SLC1A1: variants seen among roughly 807,000 people sequenced by gnomAD.
SLC1A1 encodes the protein solute carrier family 1 member 1, also known as excitatory amino acid transporter 3.
In SLC1A1, 43 loss-of-function variants were observed where a neutral mutation model predicts 53.3. The observed-to-expected ratio is 0.81, with a 90% confidence interval of 0.63 to 1.04. The LOEUF (loss-of-function observed/expected upper bound fraction) is 1.04. Ranked by LOEUF, SLC1A1 falls within the 50% of genes least tolerant of loss-of-function variation. The probability of loss-of-function intolerance (pLI) is 0.00; values close to 1 mark genes in which losing one functional copy is unlikely to be tolerated. For synonymous variants in SLC1A1, 307 were observed against 243.2 expected, an observed-to-expected ratio of 1.26 and a Z score of -2.44; for missense variants, 748 against 664.9, an observed-to-expected ratio of 1.12 and a Z score of -1.37.
intron 2 of SLC1A1, among the ~76,000 whole-genome samples, 194 bp downstream of exon 2, chr9:4,544,901 G>A (rs1817336977): frequency 6.6e-6 from 1 of 152,206 alleles, no homozygotes; most frequent in Non-Finnish European, 1.5e-5. Flanking sequence ...TCACAAGGTG[G>A]CAGGAAGGAG....
At chr9:4,530,826 AT>A (rs1240414455) in intron 1 of SLC1A1, among the ~76,000 whole-genome samples, 1 of 152,214 alleles carries the variant, frequency 6.6e-6, no homozygotes, top group Admixed American at 6.5e-5. Flanking sequence ...CTCTTTTTGA[AT>A]TAACATACTA....
At chr9:4,563,240 G>T (rs553538875) in intron 3 of SLC1A1, among the ~76,000 whole-genome samples, 1 of 152,050 alleles carries the variant, frequency 6.6e-6, no homozygotes, top group Non-Finnish European at 1.5e-5. Flanking sequence ...CTGCTTCAAT[G>T]AGCTGATAAG....
intron 10 of SLC1A1, among the ~76,000 whole-genome samples, chr9:4,580,202 G>C (rs752468948): frequency 6.6e-6 from 1 of 151,110 alleles, no homozygotes; most frequent in Non-Finnish European, 1.5e-5. Flanking sequence ...CTGCACTCTA[G>C]CCTAGGCAAC....
intron 1 of SLC1A1, among the ~76,000 whole-genome samples, chr9:4,538,782 G>C (rs1369602446): frequency 6.6e-6 from 1 of 152,220 alleles, no homozygotes; most frequent in African/African-American, 2.4e-5. Context: ...AGGGAGGCAG[G>C]AAGAGATGAG....
intron 2 of SLC1A1, among the ~76,000 whole-genome samples, chr9:4,545,161 T>A (rs1049577355): frequency 6.9e-6 from 1 of 144,550 alleles, no homozygotes; most frequent in Non-Finnish European, 1.5e-5. Context: ...TCTTTTCTAA[T>A]TACGGGAAAA....
chr9:4,543,491 T>C (rs1817190449), intron 1 of SLC1A1, among the ~76,000 whole-genome samples: 1 of 152,226 alleles, frequency 6.6e-6, no homozygotes, highest in African/African-American at 2.4e-5. Context: ...ATTAAAGTCA[T>C]CATTAAATTG....
At position 4,518,941 on chromosome 9, in the gene SLC1A1, T is replaced by C. The variant is rs548081518; in HGVS notation, c.92-25626T>C. 2.0e-5 allele frequency among the ~76,000 whole-genome samples: 3 copies of C among 152,314 alleles called. No individual in the cohort carries two copies. In the East Asian group the frequency reaches 5.8e-4, roughly 29 times the overall value. On this transcript the variant is annotated intron_variant, in intron 1 of 11. Coordinates refer to ENST00000262352, the MANE Select transcript of SLC1A1 (RefSeq NM_004170.6). ...TGTCCTTTATGCTCCATCCCAAAGC[T>C]AGAAAATAAATGATGAGTGGTTTGG...
intron 1 of SLC1A1, among the ~76,000 whole-genome samples, chr9:4,525,915 A>T (rs1455198385): frequency 6.6e-6 from 1 of 152,200 alleles, no homozygotes; most frequent in Non-Finnish European, 1.5e-5. Context: ...GATTTATAAG[A>T]TATTTAGAAC....
intron 1 of SLC1A1, among the ~76,000 whole-genome samples, chr9:4,498,162 C>A (rs527820339): frequency 6.6e-6 from 1 of 152,132 alleles, no homozygotes; most frequent in Non-Finnish European, 1.5e-5. Flanking sequence ...GCCAGAGGAA[C>A]TCTTCTGTAA....
chr9:4,536,652 T>A (rs1000446816), intron 1 of SLC1A1, among the ~76,000 whole-genome samples: 7 of 152,168 alleles, frequency 4.6e-5, no homozygotes, highest in African/African-American at 1.2e-4. Flanking sequence ...TCAGGGATCT[T>A]GAACTAGAAA....
chr9:4,573,226 C>G (rs1192946635), intron 7 of SLC1A1, among the ~76,000 whole-genome samples: 2 of 152,170 alleles, frequency 1.3e-5, no homozygotes, highest in African/African-American at 4.8e-5. Flanking sequence ...TCGCTTACCT[C>G]ATATTTAATT....
intron 1 of SLC1A1, among the ~76,000 whole-genome samples, chr9:4,532,468 G>T (rs559158234): frequency 6.6e-6 from 1 of 152,208 alleles, no homozygotes; most frequent in South Asian, 2.1e-4. Flanking sequence ...TATCAGTGAT[G>T]GAAGATGAAA....
chr9:4,564,387 A>G lies in SLC1A1; in HGVS notation c.369A>G (p.Lys123=), dbSNP rs1466451996. The G allele has an allele frequency of 6.2e-7, 1 of 1,613,830 alleles. No homozygotes were observed. Among genetic ancestry groups the G allele is most frequent in the Non-Finnish European group, 8.5e-7 (1 of 1,179,852 alleles). The change falls in exon 4 of 12, where the codon AAA becomes AAG. Residue 123 remains lysine (K), a synonymous_variant. Transcript: ENST00000262352. ...VVSIKPGVTQ[K]VGEIARTGST... ...GCATCAAGCCTGGTGTCACCCAGAA[A>G]GTGGGTGAAATTGCGAGGACAGGCA...
chr9:4,562,149 G>A (rs1819015955), intron 3 of SLC1A1, among the ~76,000 whole-genome samples: 1 of 144,722 alleles, frequency 6.9e-6, no homozygotes, highest in African/African-American at 2.6e-5. Context: ...TCGGCTCACT[G>A]CAACCTCTGC....
intron 1 of SLC1A1, among the ~76,000 whole-genome samples, chr9:4,533,945 G>C (rs377320047): frequency 6.6e-6 from 1 of 152,174 alleles, no homozygotes. Context: ...TGAACAACCT[G>C]CTCCTGAATG....
chr9:4,535,813 A>C (rs1816653185), intron 1 of SLC1A1, among the ~76,000 whole-genome samples: 1 of 152,298 alleles, frequency 6.6e-6, no homozygotes, highest in Non-Finnish European at 1.5e-5. Flanking sequence ...AAACTATACT[A>C]CAAGGCTACA....
chr9:4,541,801 G>A (rs1419352160), intron 1 of SLC1A1, among the ~76,000 whole-genome samples: 1 of 152,160 alleles, frequency 6.6e-6, no homozygotes. Context: ...AGGTGGGCCT[G>A]GCCTGCGTAC....
chr9:4,572,237 T>C lies in SLC1A1; in HGVS notation c.616T>C (p.Tyr206His). ...KTKEYKIVGM[Y>H]SDGINVLGLI... is the part of the protein sequence containing the mutation. The stretch of plus-strand genomic sequence containing the variant: ...AAAGGAATACAAAATTGTTGGCATG[T>C]ATTCAGATGGCATAAACGTCCTGGG... The change falls in exon 7 of 12, where the codon TAT becomes CAT. Residue 206 changes from tyrosine to histidine, a missense_variant. Physicochemically the swap from Tyr to His is moderately conservative, Grantham distance 83 (BLOSUM62 2). Coordinates refer to ENST00000262352, the MANE Select transcript of SLC1A1 (RefSeq NM_004170.6). 2 of 1,613,890 alleles carry C rather than the reference T, an allele frequency of 1.2e-6. No individual in the cohort carries two copies. The highest frequency in any genetic ancestry group is 2.2e-5 in the East Asian group (1 of 44,862).
Position 4,583,420 on chromosome 9 carries a change from G to A in SLC1A1, c.1328+248G>A, listed in dbSNP as rs1821288255. 6.6e-6 allele frequency among the ~76,000 whole-genome samples: 1 copy of A among 152,194 alleles called. No individual in the cohort carries two copies. The highest frequency in any genetic ancestry group is 2.4e-5 in the African/African-American group (1 of 41,436). On this transcript the variant is annotated intron_variant, in intron 11 of 11. Coordinates refer to ENST00000262352, the MANE Select transcript of SLC1A1 (RefSeq NM_004170.6). This position sits in a 1 kb window ranked among gnomAD's most constrained non-coding sequence, Gnocchi z 4.6. Reference sequence around the variant, plus strand: ...TATACCTGGTAACACTCAAGCTTAGGAGCTGGGTGTGGGACAGAGATAAAC... The same window carrying A: ...TATACCTGGTAACACTCAAGCTTAGAAGCTGGGTGTGGGACAGAGATAAAC...
Sources: allele counts gnomAD v4.1 joint callset (sites outside exome capture counted in the v4.1 genomes callset), GRCh38; gene constraint gnomAD v4.1.1; non-coding constraint Gnocchi (gnomAD v3.1); transcripts MANE v1.5; gene names NCBI Gene and HGNC (gene_info 2026-07-23, HGNC 2026-07-21).